The following PDE4B variants were observed in gnomAD, a reference collection of about 807,000 sequenced individuals.
The protein encoded by PDE4B is 3',5'-cyclic-AMP phosphodiesterase 4B.
A neutral mutation model predicts 82.2 loss-of-function variants in PDE4B; 20 were observed. The observed-to-expected ratio is 0.24, with a 90% CI of 0.17 to 0.35. The LOEUF (loss-of-function observed/expected upper bound fraction) is 0.35. Ranked by LOEUF, PDE4B falls within the 10% of genes least tolerant of loss-of-function variation. The probability of loss-of-function intolerance (pLI) is 1.00; values close to 1 mark genes in which losing one functional copy is unlikely to be tolerated. For synonymous variants in PDE4B, 320 were observed against 318.9 expected (o/e 1.00, Z -0.04); for missense variants, 655 against 907.2 (o/e 0.72, Z 3.57).
intron 3 of PDE4B, among the ~76,000 whole-genome samples, chr1:66,226,174 A>G (rs1651437576): frequency 2.6e-5 from 4 of 152,108 alleles, no homozygotes; most frequent in Admixed American, 2.0e-4. Context: ...GTTCACCAAG[A>G]CCCCAACAAT....
At chr1:65,887,403 C>CTTTTTTTTTTTTT (rs1646801006) in intron 1 of PDE4B, among the ~76,000 whole-genome samples, 1 of 13,740 alleles carries the variant, frequency 7.3e-5, no homozygotes, top group Non-Finnish European at 1.2e-4. Flanking sequence ...CTTTCTTTTT[C>CTTTTTTTTTTTTT]TTTTTCTTCT....
Position 66,361,698 on chromosome 1 carries a change from A to G in PDE4B, c.925A>G (p.Ser309Gly). 6.2e-7 allele frequency: 1 copy of G among 1,613,624 alleles called. No homozygotes were observed. The highest frequency in any genetic ancestry group is 8.5e-7 in the Non-Finnish European group (1 of 1,179,624). Residue 309 changes from serine to glycine, a missense_variant, in exon 10 of 17, where the codon AGT becomes GGT. Physicochemically the swap from Ser to Gly is moderately conservative, Grantham distance 56. Coordinates refer to ENST00000341517, the MANE Select transcript of PDE4B (RefSeq NM_002600.4). ...KKKQQLMTQI[S>G]GVKKLMHSSS... ...AAAGCAGCAGCTCATGACCCAGATA[A>G]GTGGAGTGAAGAAATTAATGCATAG...
intron 3 of PDE4B, among the ~76,000 whole-genome samples, chr1:65,973,675 C>A (rs779619002): frequency 6.6e-6 from 1 of 152,204 alleles, no homozygotes; most frequent in African/African-American, 2.4e-5. Flanking sequence ...AACACAAGAT[C>A]TCTCTCTTTA....
chr1:66,209,440 G>A (rs1472880004), intron 3 of PDE4B, among the ~76,000 whole-genome samples: 4 of 152,050 alleles, frequency 2.6e-5, no homozygotes, highest in East Asian at 1.9e-4. Flanking sequence ...GTTTGTCTCC[G>A]AAGTCTATAC....
At chr1:65,821,793 T>C (rs1279313683) in intron 1 of PDE4B, among the ~76,000 whole-genome samples, 1 of 152,196 alleles carries the variant, frequency 6.6e-6, no homozygotes, top group African/African-American at 2.4e-5. Flanking sequence ...GTAGAGTCTT[T>C]AAAAAATGTC....
intron 3 of PDE4B, among the ~76,000 whole-genome samples, chr1:65,968,219 A>C (rs189329297): frequency 6.6e-6 from 1 of 152,024 alleles, no homozygotes; most frequent in Non-Finnish European, 1.5e-5. Context: ...TTGTGGCTCC[A>C]TTTACCCATT....
chr1:65,957,706 A>C (rs182270595), intron 3 of PDE4B, among the ~76,000 whole-genome samples: 262 of 152,162 alleles, frequency 1.7e-3, no homozygotes, highest in African/African-American at 6.1e-3. Flanking sequence ...GGTCTGTCAA[A>C]GTCTTTAGAA....
chr1:65,940,854 G>A (rs1648407383), intron 3 of PDE4B, among the ~76,000 whole-genome samples: 1 of 151,794 alleles, frequency 6.6e-6, no homozygotes, highest in Non-Finnish European at 1.5e-5. Context: ...TTTCAGATGA[G>A]AGAGAGAATA....
intron 1 of PDE4B, among the ~76,000 whole-genome samples, chr1:65,805,808 G>A (rs974768153): frequency 2.6e-5 from 4 of 152,084 alleles, no homozygotes; most frequent in Admixed American, 6.6e-5. Context: ...TGTCATTTTA[G>A]CCATTAAGAA....
intron 3 of PDE4B, among the ~76,000 whole-genome samples, chr1:65,928,315 AAGTTTTC>A (rs1349032367): frequency 6.6e-6 from 1 of 152,148 alleles, no homozygotes; most frequent in Non-Finnish European, 1.5e-5. Flanking sequence ...TTCGACCTAG[AAGTTTTC>A]TGCTAGTATA....
chr1:66,121,454 A>G (rs1645708166), intron 3 of PDE4B, among the ~76,000 whole-genome samples: 1 of 152,214 alleles, frequency 6.6e-6, no homozygotes, highest in Non-Finnish European at 1.5e-5. Context: ...CTATCTAACC[A>G]TGGCATCAAC....
intron 1 of PDE4B, among the ~76,000 whole-genome samples, chr1:65,863,601 G>T (rs1646478561): frequency 6.6e-6 from 1 of 152,098 alleles, no homozygotes; most frequent in Non-Finnish European, 1.5e-5. Flanking sequence ...ATTGACAGTG[G>T]GGTGTTAAAG....
chr1:66,193,129 A>T (rs1240084909), intron 3 of PDE4B, among the ~76,000 whole-genome samples: 1 of 152,200 alleles, frequency 6.6e-6, no homozygotes, highest in African/African-American at 2.4e-5. Flanking sequence ...TGACTTCATG[A>T]TCATATATGG....
At chr1:66,163,952 T>C (rs1213017492) in intron 3 of PDE4B, among the ~76,000 whole-genome samples, 27 of 152,236 alleles carry the variant, frequency 1.8e-4, no homozygotes, top group Admixed American at 1.8e-3. Context: ...TACTCTCAGA[T>C]AACATTTATT....
chr1:66,035,119 A>T (rs745914217), intron 3 of PDE4B, among the ~76,000 whole-genome samples: 1 of 152,206 alleles, frequency 6.6e-6, no homozygotes, highest in Non-Finnish European at 1.5e-5. Flanking sequence ...AGTTTGGATC[A>T]TTTCCCAGAG....
At chr1:66,070,644 C>T (rs975246329) in intron 3 of PDE4B, among the ~76,000 whole-genome samples, 18 of 151,502 alleles carry the variant, frequency 1.2e-4, no homozygotes, top group Admixed American at 9.2e-4. Context: ...CATAAAATAT[C>T]GACCAACAAA....
Position 66,056,430 on chromosome 1 carries a change from G to A in PDE4B, c.281+137595G>A, listed in dbSNP as rs368585304. 9.2e-5 allele frequency among the ~76,000 whole-genome samples: 14 copies of A among 152,184 alleles called. No homozygotes were observed. In the East Asian group the frequency reaches 2.3e-3, roughly 25 times the overall value. On this transcript the variant is annotated intron_variant, in intron 3 of 16. Coordinates refer to ENST00000341517, the MANE Select transcript of PDE4B (RefSeq NM_002600.4). ...GGTGGCCAGGAGCCAAAGAATGAAG[G>A]CAGCATCTAGACATGGAGAAAGCAA...
chr1:65,897,308 G>A (rs1646922007), intron 1 of PDE4B, among the ~76,000 whole-genome samples: 1 of 151,996 alleles, frequency 6.6e-6, no homozygotes, highest in Admixed American at 6.6e-5. Context: ...GTTTATATTG[G>A]AGAATCTTCA....
intron 3 of PDE4B, among the ~76,000 whole-genome samples, chr1:65,939,740 A>C (rs1026104271): frequency 5.9e-5 from 9 of 152,244 alleles, no homozygotes; most frequent in African/African-American, 2.2e-4. Flanking sequence ...TACTAGTTGT[A>C]ATTTATATGC....
Sources: gnomAD v4.1 joint callset for allele counts (sites outside exome capture counted in the v4.1 genomes callset) on GRCh38, gnomAD v4.1.1 for gene constraint, MANE v1.5 for transcripts, NCBI Gene and HGNC (gene_info 2026-07-23, HGNC 2026-07-21) for gene names.